Variants in MRRF observed in about 807,000 individuals in gnomAD.
MRRF encodes the protein ribosome-recycling factor, mitochondrial.
A neutral mutation model predicts 25.1 loss-of-function variants in MRRF; 18 were observed. The ratio of observed to expected loss-of-function variants is 0.72; its 90% confidence interval spans 0.50 to 1.06. The LOEUF (loss-of-function observed/expected upper bound fraction) is 1.06. Among genes scored for constraint, MRRF ranks in the 50% least tolerant of loss-of-function variants. The probability of loss-of-function intolerance (pLI) is 0.00; values close to 1 mark genes in which losing one functional copy is unlikely to be tolerated. For missense variants in MRRF, 323 were observed against 319.3 expected, an observed-to-expected ratio of 1.01 and a Z score of -0.09; for synonymous variants, 113 against 112.1, an observed-to-expected ratio of 1.01 and a Z score of -0.05.
At chr9:122,295,038 A>C (rs1351469626) in intron 5 of MRRF, among the ~76,000 whole-genome samples, 1 of 152,186 alleles carries the variant, frequency 6.6e-6, no homozygotes, top group African/African-American at 2.4e-5. Context: ...GTGTCACGTA[A>C]GCATGAAATT....
At chr9:122,305,525 T>G (rs1834786172) in intron 5 of MRRF, among the ~76,000 whole-genome samples, 1 of 152,264 alleles carries the variant, frequency 6.6e-6, no homozygotes, top group Middle Eastern at 3.4e-3. Flanking sequence ...AGGAATGTTA[T>G]GAAGATTTAC....
intron 2 of MRRF, among the ~76,000 whole-genome samples, chr9:122,275,399 G>C (rs192263415): frequency 6.6e-6 from 1 of 152,134 alleles, no homozygotes; most frequent in Non-Finnish European, 1.5e-5. Flanking sequence ...TTGGGAGGCC[G>C]AGGCGGGTGG....
chr9:122,275,414 C>G lies in MRRF; in HGVS notation c.184+4339C>G, dbSNP rs1832717195. On this transcript the variant is annotated intron_variant, in intron 2 of 6. Transcript: ENST00000344641. ...TTGGGAGGCCGAGGCGGGTGGATCA[C>G]TTGAGCCCAGGAGTTCAAGATCAGT... Among the ~76,000 whole-genome samples, 3 of 152,146 alleles carry G rather than the reference C, an allele frequency of 2.0e-5. No individual in the cohort carries two copies. The South Asian group carries it at 6.2e-4, about 32-fold the overall frequency.
At chr9:122,322,231 C>T (rs769314728) in intron 6 of MRRF, among the ~76,000 whole-genome samples, 1 of 151,946 alleles carries the variant, frequency 6.6e-6, no homozygotes, top group Non-Finnish European at 1.5e-5. Flanking sequence ...GGCGCGGTGG[C>T]GGGCACCTGT....
chr9:122,271,132 A>C, intron 2 of MRRF, 57 bp downstream of exon 2: 1 of 1,435,206 alleles, frequency 7.0e-7, no homozygotes, highest in Non-Finnish European at 9.8e-7. Context: ...TGGCCCTTGA[A>C]TTATAGCTGG....
intron 3 of MRRF, among the ~76,000 whole-genome samples, chr9:122,283,168 A>T (rs915696006): frequency 2.0e-5 from 3 of 148,160 alleles, no homozygotes; most frequent in African/African-American, 7.5e-5. Flanking sequence ...ATCTCGGCTC[A>T]CTGCAACCTC....
intron 4 of MRRF, among the ~76,000 whole-genome samples, chr9:122,289,959 G>T (rs752260365): frequency 4.6e-5 from 7 of 151,668 alleles, no homozygotes; most frequent in Non-Finnish European, 1.0e-4. Flanking sequence ...GGAGGCTGAG[G>T]TGGAGAGTCA....
In MRRF at chr9:122,299,603, T is replaced by C. The variant is rs141031413; in HGVS notation, c.551+7763T>C. Among the ~76,000 whole-genome samples the C allele has an allele frequency of 3.2e-3, 489 of 152,098 alleles. 12 individuals are homozygous for C. The South Asian group carries it at 0.059, about 18-fold the overall frequency. On this transcript the variant is annotated intron_variant, in intron 5 of 6. Coordinates refer to ENST00000344641, the MANE Select transcript of MRRF (RefSeq NM_138777.5). The stretch of plus-strand genomic sequence containing the variant: ...ATGAGATTACTTTAGAGATTAAATA[T>C]AGATAATGAAAAGAAGAGGTTTGGG...
At chr9:122,281,570 A>G (rs1407100299) in intron 3 of MRRF, among the ~76,000 whole-genome samples, 2 of 152,250 alleles carry the variant, frequency 1.3e-5, no homozygotes, top group Non-Finnish European at 2.9e-5. Flanking sequence ...CTTTGCTGAC[A>G]GTAGAGCGTG....
chr9:122,305,502 C>A (rs1402590461), intron 5 of MRRF, among the ~76,000 whole-genome samples: 2 of 151,852 alleles, frequency 1.3e-5, no homozygotes, highest in East Asian at 3.9e-4. Flanking sequence ...GGTACTAATA[C>A]CACTAATGTC....
chr9:122,276,557 G>A (rs1366304299), intron 2 of MRRF, among the ~76,000 whole-genome samples: 1 of 152,186 alleles, frequency 6.6e-6, no homozygotes, highest in African/African-American at 2.4e-5. Flanking sequence ...ATTAAGAAGT[G>A]TTTAAAGTTT....
At chr9:122,266,201 T>TA (rs1236237106) in intron 1 of MRRF, among the ~76,000 whole-genome samples, 1 of 152,228 alleles carries the variant, frequency 6.6e-6, no homozygotes, top group East Asian at 1.9e-4. Flanking sequence ...TTGTAGTACT[T>TA]AGAGTCATAT....
chr9:122,300,851 T>G (rs1462752776), intron 5 of MRRF, among the ~76,000 whole-genome samples: 1 of 152,142 alleles, frequency 6.6e-6, no homozygotes, highest in Admixed American at 6.5e-5. Context: ...TGAATATGAG[T>G]TATGTGTGAG....
chr9:122,284,106 T>A lies in MRRF; in HGVS notation c.341-1063T>A, dbSNP rs542077730. Among the ~76,000 whole-genome samples the A allele has an allele frequency of 3.3e-5, 5 of 149,410 alleles. No homozygotes were observed. The Admixed American group carries it at 3.4e-4, about 10-fold the overall frequency. On this transcript the variant is annotated intron_variant, in intron 3 of 6. Coordinates refer to ENST00000344641, the MANE Select transcript of MRRF (RefSeq NM_138777.5). Reference sequence around the variant, plus strand: ...CTGTGTCAGAATAATGTGGTGAACCTAAAAAAAAAATTACAAGCTTCCCCA... The same window carrying A: ...CTGTGTCAGAATAATGTGGTGAACCAAAAAAAAAAATTACAAGCTTCCCCA...
At chr9:122,322,223 C>T (rs943998522) in intron 6 of MRRF, among the ~76,000 whole-genome samples, 3 of 151,922 alleles carry the variant, frequency 2.0e-5, no homozygotes, top group African/African-American at 7.3e-5. Context: ...ATTAGCCGGG[C>T]GCGGTGGCGG....
At chr9:122,313,441 G>T (rs1274289521) in intron 6 of MRRF, 55 bp downstream of exon 6, 16 of 1,587,146 alleles carry the variant, frequency 1.0e-5, no homozygotes, top group Non-Finnish European at 1.4e-5. Flanking sequence ...GGAATCATTT[G>T]TTCATGTTTG....
intron 5 of MRRF, among the ~76,000 whole-genome samples, chr9:122,301,401 G>T (rs1435238488): frequency 1.3e-5 from 2 of 152,144 alleles, no homozygotes; most frequent in Non-Finnish European, 2.9e-5. Flanking sequence ...AGCCAAGGTG[G>T]CAGTCAGAAA....
intron 6 of MRRF, among the ~76,000 whole-genome samples, chr9:122,315,273 A>G (rs1835444497): frequency 6.6e-6 from 1 of 152,090 alleles, no homozygotes; most frequent in African/African-American, 2.4e-5. Flanking sequence ...TGTAGCTGGG[A>G]TAACAGATGC....
rs1206889063 is a variant in MRRF, at chr9:122,271,016, G to A, written c.125G>A (p.Arg42Lys). The change falls in exon 2 of 7, where the codon AGG becomes AAG. Residue 42 changes from arginine (R) to lysine (K), a missense_variant. Coordinates refer to ENST00000344641, the MANE Select transcript of MRRF (RefSeq NM_138777.5). ...KTVHERQHGH[R>K]QYMAYSAVPV... is the part of the protein sequence containing the mutation. ...GTGCATGAAAGACAACATGGCCATA[G>A]GCAATACATGGCCTATTCAGCTGTA... 4.3e-6 allele frequency: 7 copies of A among 1,614,068 alleles called. No homozygotes were observed. Among genetic ancestry groups the A allele is most frequent in the Non-Finnish European group, 5.1e-6 (6 of 1,180,042 alleles).
Sources: gnomAD v4.1 joint callset for allele counts (sites outside exome capture counted in the v4.1 genomes callset) on GRCh38, gnomAD v4.1.1 for gene constraint, MANE v1.5 for transcripts, NCBI Gene and HGNC (gene_info 2026-07-23, HGNC 2026-07-21) for gene names.